Variants in LPAR3 observed in about 807,000 individuals in gnomAD.
The protein encoded by LPAR3 is lysophosphatidic acid receptor 3, also known as LPA receptor 3.
Under a neutral mutation model 17.8 loss-of-function variants are expected in LPAR3, and 7 were observed. The ratio of observed to expected loss-of-function variants is 0.39; its 90% CI spans 0.22 to 0.74. The LOEUF (loss-of-function observed/expected upper bound fraction) is 0.74. LPAR3 is among the 30% of genes least tolerant of loss of function. LPAR3 has a pLI of 0.40. For missense variants in LPAR3, 391 were observed against 453.4 expected, an observed-to-expected ratio of 0.86 and a Z score of 1.25; for synonymous variants, 179 against 179.9, an observed-to-expected ratio of 0.99 and a Z score of 0.04.
At chr1:84,863,841 G>A (rs1405798773) in intron 2 of LPAR3, among the ~76,000 whole-genome samples, 3 of 152,088 alleles carry the variant, frequency 2.0e-5, no homozygotes, top group Admixed American at 6.6e-5. Flanking sequence ...CCTCATCTTG[G>A]TTAATGACAT....
At chr1:84,869,862 T>C (rs1256225245) in intron 1 of LPAR3, among the ~76,000 whole-genome samples, 2 of 152,036 alleles carry the variant, frequency 1.3e-5, no homozygotes, top group Non-Finnish European at 2.9e-5. Context: ...CACTTCAGGG[T>C]TTTTCAGTGA....
chr1:84,820,796 A>G (rs950814461), intron 2 of LPAR3, among the ~76,000 whole-genome samples: 3 of 152,164 alleles, frequency 2.0e-5, no homozygotes, highest in African/African-American at 7.2e-5. Context: ...CACCCTTGAA[A>G]AGATTAAGAA....
chr1:84,883,447 G>C (rs1306127944), intron 1 of LPAR3, among the ~76,000 whole-genome samples: 1 of 152,130 alleles, frequency 6.6e-6, no homozygotes, highest in Non-Finnish European at 1.5e-5. Flanking sequence ...AGGAAAGAGG[G>C]GTTTAGCCAG....
At chr1:84,857,087 G>A (rs1316843561) in intron 2 of LPAR3, among the ~76,000 whole-genome samples, 1 of 152,108 alleles carries the variant, frequency 6.6e-6, no homozygotes, top group African/African-American at 2.4e-5. Context: ...AGCACACCCG[G>A]TCAGCTTCCT....
At chr1:84,825,013 G>C (rs774361349) in intron 2 of LPAR3, among the ~76,000 whole-genome samples, 13 of 152,224 alleles carry the variant, frequency 8.5e-5, no homozygotes, top group Non-Finnish European at 1.5e-4. Flanking sequence ...TCCTGGACTA[G>C]AGTGTGAGTT....
At chr1:84,835,613 C>T (rs1052442386) in intron 2 of LPAR3, among the ~76,000 whole-genome samples, 6 of 152,126 alleles carry the variant, frequency 3.9e-5, no homozygotes, top group African/African-American at 1.4e-4. Context: ...GCTATTCTTC[C>T]CACATATTTT....
intron 1 of LPAR3, among the ~76,000 whole-genome samples, chr1:84,882,885 C>G (rs1290662864): frequency 1.3e-5 from 2 of 152,162 alleles, no homozygotes. Flanking sequence ...CTGGAGATAG[C>G]CAGACTGAGT....
chr1:84,836,761 TAGATG>T (rs921066665), intron 2 of LPAR3, among the ~76,000 whole-genome samples: 1 of 152,316 alleles, frequency 6.6e-6, no homozygotes, highest in Admixed American at 6.5e-5. Flanking sequence ...CCTTATTTTA[TAGATG>T]AGAAGACTAA....
chr1:84,835,775 T>C (rs1052303318), intron 2 of LPAR3, among the ~76,000 whole-genome samples: 2 of 152,174 alleles, frequency 1.3e-5, no homozygotes, highest in African/African-American at 4.8e-5. Flanking sequence ...ACTTCAGGTG[T>C]AACTGTTCAG....
intron 2 of LPAR3, among the ~76,000 whole-genome samples, chr1:84,862,339 C>A (rs772035327): frequency 3.3e-5 from 5 of 152,126 alleles, no homozygotes; most frequent in Admixed American, 6.5e-5. Context: ...AAAAGATGAG[C>A]GTAAAAAGTC....
intron 2 of LPAR3, among the ~76,000 whole-genome samples, chr1:84,849,339 C>T (rs1056702356): frequency 4.6e-5 from 6 of 129,298 alleles, no homozygotes; most frequent in Non-Finnish European, 9.3e-5. Flanking sequence ...TGCGCCACTG[C>T]ACTCTAGCCT....
chr1:84,878,297 C>T (rs1660294762), intron 1 of LPAR3, among the ~76,000 whole-genome samples: 1 of 152,182 alleles, frequency 6.6e-6, no homozygotes, highest in Non-Finnish European at 1.5e-5. Context: ...TCCCCTCCTG[C>T]CGCCTCAGTG....
chr1:84,872,208 G>A (rs563180047), intron 1 of LPAR3, among the ~76,000 whole-genome samples: 2 of 152,212 alleles, frequency 1.3e-5, no homozygotes, highest in South Asian at 4.2e-4. Flanking sequence ...AGTAATGCTT[G>A]TGCACTCATG....
intron 2 of LPAR3, among the ~76,000 whole-genome samples, chr1:84,836,992 T>A (rs1344329374): frequency 1.3e-5 from 2 of 151,922 alleles, no homozygotes; most frequent in Non-Finnish European, 2.9e-5. Flanking sequence ...AAAAAATAAT[T>A]CTATCACTAA....
At chr1:84,846,506 C>T (rs1339170419) in intron 2 of LPAR3, among the ~76,000 whole-genome samples, 2 of 152,096 alleles carry the variant, frequency 1.3e-5, no homozygotes, top group Non-Finnish European at 2.9e-5. Flanking sequence ...TATTTCTCTG[C>T]TTTTCTTTAT....
At position 84,814,111 on chromosome 1, in the gene LPAR3, C is replaced by A; in HGVS notation, c.797G>T (p.Cys266Phe). 1 of 1,614,154 alleles carries A rather than the reference C, an allele frequency of 6.2e-7. No individual in the cohort carries two copies. Among genetic ancestry groups the A allele is most frequent in the Non-Finnish European group, 8.5e-7 (1 of 1,180,042 alleles). Reference sequence around the variant, plus strand: ...CACATGCTGCACGCCACACTGCCTGCAGTTCAGGCCGTCGAGGAGCAGAAC... The same window carrying A: ...CACATGCTGCACGCCACACTGCCTGAAGTTCAGGCCGTCGAGGAGCAGAAC... ...LVVLLLDGLN[C>F]RQCGVQHVKR... The change falls in exon 3 of 3, where the codon TGC becomes TTC. Residue 266 changes from cysteine to phenylalanine, a missense_variant. By Grantham distance (205) the Cys-to-Phe change is radical. Transcript: ENST00000370611.
intron 2 of LPAR3, among the ~76,000 whole-genome samples, chr1:84,817,993 G>T (rs1323521298): frequency 2.0e-5 from 3 of 152,166 alleles, no homozygotes; most frequent in African/African-American, 4.8e-5. Context: ...CACAAAGTCA[G>T]GAACATGGCT....
At chr1:84,873,674 A>C (rs1660200638) in intron 1 of LPAR3, among the ~76,000 whole-genome samples, 1 of 152,112 alleles carries the variant, frequency 6.6e-6, no homozygotes, top group Admixed American at 6.5e-5. Flanking sequence ...TCTCTTGAGA[A>C]AGCTAAACCC....
intron 2 of LPAR3, among the ~76,000 whole-genome samples, chr1:84,831,407 G>C (rs1386499513): frequency 6.6e-6 from 1 of 152,122 alleles, no homozygotes; most frequent in Non-Finnish European, 1.5e-5. Context: ...AAGGAGCTAT[G>C]ATTGTGCCAC....
Sources: allele counts gnomAD v4.1 joint callset (sites outside exome capture counted in the v4.1 genomes callset), GRCh38; gene constraint gnomAD v4.1.1; transcripts MANE v1.5; gene names NCBI Gene and HGNC (gene_info 2026-07-23, HGNC 2026-07-21).